The following NBPF15 variants were observed in gnomAD, a reference collection of about 807,000 sequenced individuals.
NBPF15 encodes NBPF member 15, also known as NBPF family member NBPF15.
Under a neutral mutation model 62.2 loss-of-function variants are expected in NBPF15, and 74 were observed. The ratio of observed to expected loss-of-function variants is 1.19; its 90% confidence interval spans 0.99 to 1.44. NBPF15 has a LOEUF of 1.44. Among genes scored for constraint, NBPF15 ranks in the 40% most tolerant of loss-of-function variants. The pLI, the probability that NBPF15 is intolerant of heterozygous loss-of-function variation, is 0.00. For missense variants in NBPF15, 790 were observed against 550.0 expected (o/e 1.44, Z -4.36); for synonymous variants, 244 against 209.7 (o/e 1.16, Z -1.41).
At chr1:144,458,188 A>G (rs587650166) in intron 3 of NBPF15, among the ~76,000 whole-genome samples, 2,321 of 152,190 alleles carry the variant, frequency 0.015, 71 homozygotes, top group African/African-American at 0.053. Context: ...CTTAACGCTT[A>G]TTTAGGTACG....
chr1:144,427,929 A>T lies in NBPF15; in HGVS notation c.1102T>A (p.Cys368Ser), dbSNP rs1158007061. Residue 368 changes from cysteine to serine, a missense_variant, in exon 16 of 22, where the codon TGT becomes AGT. Transcript: ENST00000581897. ...PEVLQDSLDR[C>S]YSTPSGCLEL... ...AGACAACCTGAAGGAGTTGAATAACATCTATCCAGTGAGTCCTGCAAGACT... is the reference window on the plus strand; with the variant it reads ...AGACAACCTGAAGGAGTTGAATAACTTCTATCCAGTGAGTCCTGCAAGACT... 2.6e-5 allele frequency: 20 copies of T among 758,918 alleles called. No homozygotes were observed. Among genetic ancestry groups the T allele is most frequent in the Admixed American group, 2.4e-4 (13 of 54,496 alleles). The allele number at this position is 758,918 out of a possible 1,614,324, so 47.0% of individuals were successfully genotyped here.
chr1:144,445,610 T>C (rs1553543843), intron 6 of NBPF15, among the ~76,000 whole-genome samples: 1 of 150,774 alleles, frequency 6.6e-6, no homozygotes, highest in African/African-American at 2.4e-5. Flanking sequence ...TCTTGATCAT[T>C]GACATTACCA....
chr1:144,431,930 G>A, intron 13 of NBPF15, among the ~76,000 whole-genome samples: 1 of 148,350 alleles, frequency 6.7e-6, no homozygotes, highest in Non-Finnish European at 1.5e-5. Flanking sequence ...CTTTGCTATT[G>A]TGAATAGTGC....
chr1:144,423,970 C>G lies in NBPF15; in HGVS notation c.1669G>C (p.Glu557Gln). The change falls in exon 21 of 22, where the codon GAA (glutamate) becomes CAA (glutamine). Residue 557 changes from glutamate (E) to glutamine (Q), a missense_variant. Coordinates refer to ENST00000581897, the MANE Select transcript of NBPF15 (RefSeq NM_001385408.1). ...CTTTTCTTCCCCTTCCCCTTCTTTT[C>G]AATTTCTGCAATAAATTCAGACATG... ...VGFSLDVGEI[E>Q]KKGKGKKRRG... 1 of 766,272 alleles carries G rather than the reference C, an allele frequency of 1.3e-6. No individual in the cohort carries two copies. The highest frequency in any genetic ancestry group is 2.4e-6 in the Non-Finnish European group (1 of 419,014). 47.5% of individuals were successfully genotyped at this position (766,272 alleles called of 1,614,324 possible). A position where few individuals can be genotyped will look rare whatever the true frequency, so the allele number is the denominator to read the frequency against.
chr1:144,447,065 T>G (rs1331721770), intron 6 of NBPF15, among the ~76,000 whole-genome samples: 1 of 151,546 alleles, frequency 6.6e-6, no homozygotes, highest in Non-Finnish European at 1.5e-5. Flanking sequence ...TGTCCCTGCC[T>G]CTCAAGGAAA....
At chr1:144,424,068 C>T (rs1478646858) in intron 20 of NBPF15, 93 bp from the exon 21 acceptor site, 41 of 757,818 alleles carry the variant, frequency 5.4e-5, no homozygotes, top group African/African-American at 5.1e-4. Context: ...GGACCTCAGG[C>T]TCCTCAGCAT....
chr1:144,461,586 AC>A lies in NBPF15; in HGVS notation c.-1144del, dbSNP rs1653148967. The A allele has an allele frequency of 6.6e-6, 1 of 152,368 alleles. No homozygotes were observed. The highest frequency in any genetic ancestry group is 2.4e-5 in the African/African-American group (1 of 41,256). 9.4% of individuals were successfully genotyped at this position (152,368 alleles called of 1,614,324 possible). ...GCGACCCTCACCTACCCCTCCCGAT[AC>A]CGCCGCTGTCTCAACCGCCGCCCAG... On this transcript the variant is annotated 5_prime_UTR_variant, in exon 1 of 22. An upstream open reading frame in the 5' UTR gains an earlier in-frame stop. Transcript: ENST00000581897.
chr1:144,444,240 G>T (rs1302949476), intron 6 of NBPF15, among the ~76,000 whole-genome samples: 1 of 148,668 alleles, frequency 6.7e-6, no homozygotes, highest in African/African-American at 2.6e-5. Context: ...TTTCAGTACC[G>T]ACTGAGTGGT....
intron 4 of NBPF15, among the ~76,000 whole-genome samples, chr1:144,455,691 C>T (rs1553546757): frequency 1.3e-5 from 2 of 151,976 alleles, no homozygotes. Flanking sequence ...TCCCTCCTTG[C>T]ACTGGCTCCC....
chr1:144,437,268 A>G (rs782722612), intron 9 of NBPF15, among the ~76,000 whole-genome samples, 159 bp from the exon 10 acceptor site: 26 of 151,708 alleles, frequency 1.7e-4, no homozygotes, highest in Non-Finnish European at 3.4e-4. Context: ...GAAAGAATAG[A>G]AAATGGTTTA....
At chr1:144,426,692 G>C (rs1299405582) in intron 17 of NBPF15, among the ~76,000 whole-genome samples, 1 of 151,616 alleles carries the variant, frequency 6.6e-6, no homozygotes, top group African/African-American at 2.4e-5. Context: ...GAATTGGCCG[G>C]GTGACACACT....
At chr1:144,430,993 TAATGA>T (rs1558602374) in intron 13 of NBPF15, among the ~76,000 whole-genome samples, 1 of 151,800 alleles carries the variant, frequency 6.6e-6, no homozygotes, top group African/African-American at 2.4e-5. Flanking sequence ...AAGATCAAAT[TAATGA>T]AATGAAGCGA....
At position 144,461,370 on chromosome 1, in the gene NBPF15, C is replaced by T. The variant is rs1380460273; in HGVS notation, c.-938+11G>A. ...TCGACCCAGCTGTGTACCCGCGGGT[C>T]CCGGACTCACCGCCCGCCCGGCCTG... On this transcript the variant is annotated intron_variant, in intron 1 of 21. Transcript: ENST00000581897. 6.6e-6 allele frequency: 1 copy of T among 151,710 alleles called. No homozygotes were observed. Among genetic ancestry groups the T allele is most frequent in the Non-Finnish European group, 1.5e-5 (1 of 67,904 alleles). The allele number at this position is 151,710 out of a possible 1,614,324, so 9.4% of individuals were successfully genotyped here. A position where few individuals can be genotyped will look rare whatever the true frequency, so the allele number is the denominator to read the frequency against.
At position 144,423,994 on chromosome 1, in the gene NBPF15, T is replaced by C. The variant is rs1440062652; in HGVS notation, c.1664-19A>G. The C allele has an allele frequency of 9.2e-6, 7 of 764,248 alleles. No homozygotes were observed. The highest frequency in any genetic ancestry group is 6.7e-5 in the South Asian group (5 of 74,468). 47.3% of individuals were successfully genotyped at this position (764,248 alleles called of 1,614,324 possible). ...TCAATTTCTGCAATAAATTCAGACA[T>C]GGACAGACACATTAAGCTGATTCCC... On this transcript the variant is annotated intron_variant, in intron 20 of 21. Coordinates refer to ENST00000581897, the MANE Select transcript of NBPF15 (RefSeq NM_001385408.1).
chr1:144,426,171 T>G (rs1669474124), intron 18 of NBPF15, 107 bp downstream of exon 18: 3 of 651,536 alleles, frequency 4.6e-6, no homozygotes, highest in East Asian at 5.5e-5. Flanking sequence ...AGGTCCTGCC[T>G]GCGGCAATGA....
rs1401504984 is a variant in NBPF15 at position 144,440,064 on chromosome 1, G to C, written c.-35-26C>G. On this transcript the variant is annotated intron_variant, in intron 7 of 21. Transcript: ENST00000581897. The stretch of plus-strand genomic sequence containing the variant: ...CTGGGGAGAAGAAACCCAAACATAT[G>C]ATGGGTTAAAAACTGGTGAAATCAA... 41 of 1,560,274 alleles carry C rather than the reference G, an allele frequency of 2.6e-5. 1 individual carries two copies. Among genetic ancestry groups the C allele is most frequent in the Non-Finnish European group, 3.6e-5 (41 of 1,132,982 alleles).
intron 12 of NBPF15, 67 bp downstream of exon 12, chr1:144,435,044 C>T (rs1677208573): frequency 3.1e-6 from 5 of 1,610,824 alleles, no homozygotes; most frequent in South Asian, 2.2e-5. Context: ...GTTGATAGAG[C>T]CTGTCTTCAG....
At chr1:144,436,133 G>A (rs1378301913) in intron 10 of NBPF15, among the ~76,000 whole-genome samples, 1 of 152,026 alleles carries the variant, frequency 6.6e-6, no homozygotes, top group East Asian at 1.9e-4. Context: ...TCTGGACATT[G>A]GCAGCTGTCT....
intron 21 of NBPF15, 70 bp from the exon 22 acceptor site, chr1:144,423,326 A>T (rs1553538626): frequency 7.4e-6 from 12 of 1,611,266 alleles, no homozygotes; most frequent in Non-Finnish European, 1.0e-5. Flanking sequence ...ACTAGATTTC[A>T]GAAGTAATAT....
Sources: allele counts gnomAD v4.1 joint callset (sites outside exome capture counted in the v4.1 genomes callset), GRCh38; gene constraint gnomAD v4.1.1; transcripts MANE v1.5; gene names NCBI Gene and HGNC (gene_info 2026-07-23, HGNC 2026-07-21).